Variants in SYNPO observed in about 807,000 individuals in gnomAD.
SYNPO encodes the protein synaptopodin.
In SYNPO, 19 loss-of-function variants were observed where a neutral mutation model predicts 49.5. The ratio of observed to expected loss-of-function variants is 0.38; its 90% CI spans 0.27 to 0.56. The LOEUF (loss-of-function observed/expected upper bound fraction) is 0.56. SYNPO is among the 20% of genes least tolerant of loss of function. The pLI is 0.68. For missense variants in SYNPO, 1,131 were observed against 1,248.3 expected (o/e 0.91, Z 1.42); for synonymous variants, 536 against 548.0 (o/e 0.98, Z 0.31).
At chr5:150,643,036 C>T (rs1178303040) in intron 1 of SYNPO, among the ~76,000 whole-genome samples, 1 of 152,220 alleles carries the variant, frequency 6.6e-6, no homozygotes, top group Non-Finnish European at 1.5e-5. Context: ...CCTTCATATT[C>T]TGACATTTGA....
chr5:150,627,509 C>T (rs1396357245), intron 2 of SYNPO, among the ~76,000 whole-genome samples: 1 of 152,116 alleles, frequency 6.6e-6, no homozygotes, highest in African/African-American at 2.4e-5. Flanking sequence ...ACAGACAGGC[C>T]CCTGCCCTCA....
Position 150,649,193 on chromosome 5 carries a change from C to G in SYNPO, c.918C>G (p.Ala306=). ...ERRMMGQRSP[A]SERRPLGNFT... ...GGATGATGGGGCAGCGAAGCCCGGC[C>G]TCAGAGAGACGCCCCTTGGGGAACT... The change falls in exon 2 of 3, where the codon GCC becomes GCG. Residue 306 remains alanine, a synonymous_variant. Coordinates refer to ENST00000307662, the MANE Select transcript of SYNPO (RefSeq NM_007286.6). The G allele has an allele frequency of 6.2e-7, 1 of 1,614,184 alleles. No individual in the cohort carries two copies. Among genetic ancestry groups the G allele is most frequent in the Admixed American group, 1.7e-5 (1 of 60,032 alleles).
intron 2 of SYNPO, among the ~76,000 whole-genome samples, chr5:150,654,842 T>C (rs780700489): frequency 2.0e-5 from 3 of 152,060 alleles, no homozygotes; most frequent in East Asian, 1.9e-4. Flanking sequence ...TTAATAATAG[T>C]CGGCCAGGCG....
At chr5:150,625,208 A>G (rs1357392956) in intron 2 of SYNPO, among the ~76,000 whole-genome samples, 1 of 152,146 alleles carries the variant, frequency 6.6e-6, no homozygotes, top group Non-Finnish European at 1.5e-5. Flanking sequence ...CCCTCCCCGC[A>G]AGCGGATCAG....
chr5:150,588,776 CT>C, the SYNPO span, among the ~76,000 whole-genome samples: 1 of 151,012 alleles, frequency 6.6e-6, no homozygotes, highest in African/African-American at 2.4e-5. Flanking sequence ...AATATGGAAC[CT>C]TTTTTTTTAA....
chr5:150,632,878 T>C (rs10064707), intron 2 of SYNPO, among the ~76,000 whole-genome samples: 22,235 of 152,070 alleles, frequency 0.15, 3,953 homozygotes, highest in East Asian at 0.42. Context: ...ACCGCCCTCC[T>C]AGCGTGGCCT....
intron 1 of SYNPO, among the ~76,000 whole-genome samples, chr5:150,606,574 C>A (rs1330230729): frequency 6.6e-6 from 1 of 152,260 alleles, no homozygotes; most frequent in Non-Finnish European, 1.5e-5. Flanking sequence ...TGGGCTCTTG[C>A]TCTGCGCCGG....
chr5:150,608,416 C>G (rs1452939835), intron 1 of SYNPO: 1 of 152,180 alleles, frequency 6.6e-6, no homozygotes, highest in Non-Finnish European at 1.5e-5. Context: ...GACCTATAAG[C>G]CTGTGGCCCA....
chr5:150,589,090 C>T, the SYNPO span, among the ~76,000 whole-genome samples: 1 of 147,380 alleles, frequency 6.8e-6, no homozygotes, highest in East Asian at 2.0e-4. Flanking sequence ...GAGACAGAGT[C>T]TCGCTGTGTT....
At chr5:150,626,370 T>G (rs1038197429) in intron 2 of SYNPO, among the ~76,000 whole-genome samples, 7 of 152,158 alleles carry the variant, frequency 4.6e-5, no homozygotes, top group Non-Finnish European at 1.0e-4. Context: ...CCTTCTCTGG[T>G]CCTCAGTTTT....
intron 2 of SYNPO, chr5:150,652,063 G>A: frequency 2.0e-6 from 2 of 1,000,650 alleles, no homozygotes; most frequent in Non-Finnish European, 2.4e-6. Flanking sequence ...TGTGAGCTCT[G>A]GGCTTGTCTC....
chr5:150,604,829 G>C (rs868525801), intron 1 of SYNPO, among the ~76,000 whole-genome samples: 4 of 152,186 alleles, frequency 2.6e-5, no homozygotes, highest in Admixed American at 1.3e-4. Context: ...GGCTTAAGGA[G>C]GGGGTGTGAT....
chr5:150,586,971 T>C, the SYNPO span, among the ~76,000 whole-genome samples: 1 of 152,182 alleles, frequency 6.6e-6, no homozygotes, highest in East Asian at 1.9e-4. Context: ...CGGATGAGTA[T>C]GTAGATACAT....
chr5:150,600,364 C>T (rs1035773537), upstream of SYNPO, among the ~76,000 whole-genome samples: 1 of 152,268 alleles, frequency 6.6e-6, no homozygotes, highest in Non-Finnish European at 1.5e-5. Context: ...TCCCAGCCCA[C>T]ACAACAGCCC....
In SYNPO at chr5:150,648,872, C is replaced by T. The variant is rs780730809; in HGVS notation, c.597C>T (p.Asn199=). Residue 199 remains asparagine (N), a synonymous_variant, in exon 2 of 3, where the codon AAC becomes AAT. Coordinates refer to ENST00000307662, the MANE Select transcript of SYNPO (RefSeq NM_007286.6). The surrounding 1 kb of genome is among the most constrained non-coding windows in gnomAD (Gnocchi z 5.0). The stretch of plus-strand genomic sequence containing the variant: ...CCCTGCTCATTGACATCCAGCCCAA[C>T]ACCCTAGTGGTGTCAGCAGATCAAG... ...SSSLLIDIQP[N]TLVVSADQEM... 6.2e-7 allele frequency: 1 copy of T among 1,614,240 alleles called. No individual in the cohort carries two copies. The highest frequency in any genetic ancestry group is 1.1e-5 in the South Asian group (1 of 91,084).
chr5:150,618,930 C>T (rs559687115), intron 2 of SYNPO, among the ~76,000 whole-genome samples: 4 of 152,250 alleles, frequency 2.6e-5, no homozygotes, highest in East Asian at 1.9e-4. Flanking sequence ...GGAGCGACAG[C>T]GAGCTACGTG....
chr5:150,651,765 C>A, intron 2 of SYNPO: 2 of 1,000,412 alleles, frequency 2.0e-6, no homozygotes, highest in Non-Finnish European at 2.4e-6. Context: ...GCATGTGTGT[C>A]TGTAGGTCTC....
At chr5:150,618,730 C>T (rs751327968) in exon 2 of SYNPO, 14 of 1,551,176 alleles carry the variant, frequency 9.0e-6, no homozygotes, top group Middle Eastern at 3.3e-4. Flanking sequence ...CAGCCAGCCC[C>T]AGCCCTGGCC....
At chr5:150,618,891 A>G in intron 2 of SYNPO, 2 of 1,250,650 alleles carry the variant, frequency 1.6e-6, no homozygotes, top group South Asian at 3.0e-5. Flanking sequence ...TCCCATGGGC[A>G]TGCCCAGATT....
Sources: gnomAD v4.1 joint callset for allele counts (sites outside exome capture counted in the v4.1 genomes callset) on GRCh38, gnomAD v4.1.1 for gene constraint, Gnocchi (gnomAD v3.1) non-coding constraint, MANE v1.5 for transcripts, NCBI Gene and HGNC (gene_info 2026-07-23, HGNC 2026-07-21) for gene names.